SSC4D: variants seen among roughly 807,000 people sequenced by gnomAD.
The protein encoded by SSC4D is scavenger receptor cysteine-rich domain-containing group B protein.
A neutral mutation model predicts 63.4 loss-of-function variants in SSC4D; 57 were observed. The observed-to-expected ratio is 0.90, with a 90% CI of 0.73 to 1.12. The LOEUF is 1.12. Ranked by LOEUF, SSC4D falls within the 50% of genes most tolerant of loss-of-function variation. The probability of loss-of-function intolerance (pLI) is 0.00; values close to 1 mark genes in which losing one functional copy is unlikely to be tolerated. For synonymous variants in SSC4D, 352 were observed against 345.4 expected, an observed-to-expected ratio of 1.02 and a Z score of -0.21; for missense variants, 791 against 806.4, an observed-to-expected ratio of 0.98 and a Z score of 0.23.
At position 76,397,618 on chromosome 7, in the gene SSC4D, C is replaced by T. The variant is rs1300341965; in HGVS notation, c.768G>A (p.Val256=). Residue 256 remains valine, a synonymous_variant, in exon 6 of 11, where the codon GTG becomes GTA. Coordinates refer to ENST00000275560, the MANE Select transcript of SSC4D (RefSeq NM_080744.2). ...GGCGGGGCTCGCCGCCTTCGCAGTGCACGTTGTCCAGCAGGATGTGTCCGG... is the reference window on the plus strand; with the variant it reads ...GGCGGGGCTCGCCGCCTTCGCAGTGTACGTTGTCCAGCAGGATGTGTCCGG... ...YGTGHILLDN[V]HCEGGEPRLA... 11 of 1,612,848 alleles carry T rather than the reference C, an allele frequency of 6.8e-6. No individual in the cohort carries two copies. The highest frequency in any genetic ancestry group is 5.0e-5 in the Admixed American group (3 of 59,856).
At chr7:76,408,425 G>T (rs76141960) in intron 1 of SSC4D, among the ~76,000 whole-genome samples, 12 of 151,926 alleles carry the variant, frequency 7.9e-5, no homozygotes, top group Admixed American at 1.3e-4. Flanking sequence ...TGCTTGTTGT[G>T]GGGGGGCACA....
chr7:76,404,454 G>T lies in SSC4D; in HGVS notation c.-15C>A. 14 of 1,613,974 alleles carry T rather than the reference G, an allele frequency of 8.7e-6. No individual in the cohort carries two copies. The highest frequency in any genetic ancestry group is 1.1e-5 in the Non-Finnish European group (13 of 1,179,998). ...TCCTTGTGCATCTAGATGGTGAAGG[G>T]TGTTTCAGATGCTCCCATCAAGGCG... On this transcript the variant is annotated 5_prime_UTR_variant, in exon 2 of 11. Coordinates refer to ENST00000275560, the MANE Select transcript of SSC4D (RefSeq NM_080744.2).
At chr7:76,395,159 G>T in intron 7 of SSC4D, 94 bp downstream of exon 7, 1 of 1,460,016 alleles carries the variant, frequency 6.8e-7, no homozygotes, top group Non-Finnish European at 9.5e-7. Context: ...CTGTTAGCCA[G>T]GGCCCCCGCC....
intron 6 of SSC4D, 137 bp downstream of exon 6, chr7:76,397,381 C>G: frequency 4.5e-6 from 5 of 1,111,490 alleles, no homozygotes; most frequent in Non-Finnish European, 6.2e-6. Context: ...TGGATGCTGC[C>G]TGGAGAGCTC....
chr7:76,390,067 G>C lies in SSC4D; in HGVS notation c.1720C>G (p.Pro574Ala), dbSNP rs1804459946. The C allele has an allele frequency of 1.9e-6, 3 of 1,614,114 alleles. No individual in the cohort carries two copies. In the African/African-American group the frequency reaches 4.0e-5, roughly 22 times the overall value. The change falls in exon 11 of 11, where the codon CCT (proline) becomes GCT (alanine). Residue 574 changes from proline (P) to alanine (A), a missense_variant. By Grantham distance (27) the Pro-to-Ala change is conservative (BLOSUM62 -1). Transcript: ENST00000275560. The stretch of plus-strand genomic sequence containing the variant: ...CTGCAGAGCGGGCTGGGTCATGAAG[G>C]CTGGCACAGGACACTGGCATCCTCG... ...HSEDASVLCQ[P>A]S
chr7:76,394,813 G>GTTTATAATATATA (rs1563680989), intron 7 of SSC4D, among the ~76,000 whole-genome samples: 1 of 93,436 alleles, frequency 1.1e-5, no homozygotes, highest in Non-Finnish European at 2.5e-5. Flanking sequence ...TATAAAATAT[G>GTTTATAATATATA]TGTATAATAT....
chr7:76,393,415 C>G lies in SSC4D; in HGVS notation c.1323G>C (p.Ala441=). The change falls in exon 9 of 11, where the codon GCG becomes GCC. Residue 441 remains alanine, a synonymous_variant. Coordinates refer to ENST00000275560, the MANE Select transcript of SSC4D (RefSeq NM_080744.2). ...HNCGHHEDAG[A]LCAGPEELGL... ...CGCTGTCAGCCTCACCTGCGCAGAG[C>G]GCTCCCGCGTCCTCGTGGTGGCCGC... 3 of 1,478,246 alleles carry G rather than the reference C, an allele frequency of 2.0e-6. No homozygotes were observed. The highest frequency in any genetic ancestry group is 2.6e-5 in the South Asian group (2 of 75,674). 91.6% of individuals were successfully genotyped at this position (1,478,246 alleles called of 1,614,324 possible). A position where few individuals can be genotyped will look rare whatever the true frequency, so the allele number is the denominator to read the frequency against.
At chr7:76,396,452 C>G (rs1804642847) in intron 6 of SSC4D, among the ~76,000 whole-genome samples, 2 of 152,252 alleles carry the variant, frequency 1.3e-5, no homozygotes. Flanking sequence ...TGCCTCTCAG[C>G]TGCTACTCTG....
In SSC4D at chr7:76,393,393, T is replaced by G; in HGVS notation, c.1333+12A>C. ...GCCCCGCTGTCAGCCTCACCTTCGCTGTCAGCCTCACCTGCGCAGAGCGCT... is the reference window on the plus strand; with the variant it reads ...GCCCCGCTGTCAGCCTCACCTTCGCGGTCAGCCTCACCTGCGCAGAGCGCT... On this transcript the variant is annotated intron_variant, in intron 9 of 10. Coordinates refer to ENST00000275560, the MANE Select transcript of SSC4D (RefSeq NM_080744.2). 7.3e-7 allele frequency: 1 copy of G among 1,379,192 alleles called. No individual in the cohort carries two copies. The highest frequency in any genetic ancestry group is 9.4e-7 in the Non-Finnish European group (1 of 1,066,094). 85.4% of individuals were successfully genotyped at this position (1,379,192 alleles called of 1,614,324 possible). A position where few individuals can be genotyped will look rare whatever the true frequency, so the allele number is the denominator to read the frequency against.
At chr7:76,400,882 C>G (rs1804801896) in intron 3 of SSC4D, 126 bp downstream of exon 3, 4 of 1,324,610 alleles carry the variant, frequency 3.0e-6, no homozygotes, top group Admixed American at 2.0e-5. Context: ...GACTACAGCT[C>G]CCCTGAGATG....
Position 76,405,335 on chromosome 7 carries a change from C to CTTTCTTTT in SSC4D, c.-66-838_-66-831dup, listed in dbSNP as rs1804981032. 6.9e-5 allele frequency among the ~76,000 whole-genome samples: 2 copies of CTTTCTTTT among 29,160 alleles called. 1 individual carries two copies. The highest frequency in any genetic ancestry group is 1.2e-4 in the Non-Finnish European group (2 of 16,364). 19.1% of individuals were successfully genotyped at this position (29,160 alleles called of 152,430 possible). ...TATATATGTATTTTTTTCTTTCTTT[C>CTTTCTTTT]TTTCTTTTTTTTTTTTTTTTTTTTT... On this transcript the variant is annotated intron_variant, in intron 1 of 10. Transcript: ENST00000275560.
intron 7 of SSC4D, 39 bp downstream of exon 7, chr7:76,395,214 T>C: frequency 6.2e-7 from 1 of 1,609,378 alleles, no homozygotes; most frequent in Non-Finnish European, 8.5e-7. Context: ...GCACCCACCA[T>C]ACCCCTACCA....
Position 76,404,460 on chromosome 7 carries a change from C to T in SSC4D, c.-21G>A, listed in dbSNP as rs1196513527. ...TGCATCTAGATGGTGAAGGGTGTTT[C>T]AGATGCTCCCATCAAGGCGCCAGGG... On this transcript the variant is annotated 5_prime_UTR_variant, in exon 2 of 11. Coordinates refer to ENST00000275560, the MANE Select transcript of SSC4D (RefSeq NM_080744.2). 2 of 1,613,770 alleles carry T rather than the reference C, an allele frequency of 1.2e-6. No individual in the cohort carries two copies. Among genetic ancestry groups the T allele is most frequent in the Non-Finnish European group, 8.5e-7 (1 of 1,180,014 alleles).
In SSC4D at chr7:76,401,004, C is replaced by A; in HGVS notation, c.169+4G>T. 6.4e-7 allele frequency: 1 copy of A among 1,550,704 alleles called. No homozygotes were observed. The highest frequency in any genetic ancestry group is 2.4e-5 in the East Asian group (1 of 40,840). ...GGTGAGGAAGGGCGGGGTGGGGCAC[C>A]TACCTTGAAAGGGCAGTGGAGTGGG... On this transcript the variant is annotated splice_donor_region_variant and intron_variant, in intron 3 of 10. Coordinates refer to ENST00000275560, the MANE Select transcript of SSC4D (RefSeq NM_080744.2).
At position 76,393,536 on chromosome 7, in the gene SSC4D, T is replaced by C. The variant is rs1804551334; in HGVS notation, c.1202A>G (p.Tyr401Cys). ...GTCCAGCAGCACGGGGCCGCGGCCG[T>C]AGCCGAAGTGGCCCAGTCCCGTAGC... is the stretch of plus-strand genomic sequence containing the variant. ...LGATGLGHFG[Y>C]GRGPVLLDNV... The change falls in exon 9 of 11, where the codon TAC (tyrosine) becomes TGC (cysteine). Residue 401 changes from tyrosine to cysteine, a missense_variant. Coordinates refer to ENST00000275560, the MANE Select transcript of SSC4D (RefSeq NM_080744.2). The C allele has an allele frequency of 1.3e-6, 2 of 1,523,668 alleles. No individual in the cohort carries two copies. Among genetic ancestry groups the C allele is most frequent in the South Asian group, 2.4e-5 (2 of 82,168 alleles). 94.4% of individuals were successfully genotyped at this position (1,523,668 alleles called of 1,614,324 possible).
intron 1 of SSC4D, among the ~76,000 whole-genome samples, chr7:76,408,109 T>C (rs1012440782): frequency 2.0e-5 from 3 of 152,070 alleles, no homozygotes. Flanking sequence ...AGAGGATGGT[T>C]CTGTTTGGGC....
rs371791239 is a variant in SSC4D, at chr7:76,400,439, G to A, written c.322C>T (p.Pro108Ser). 1.4e-4 allele frequency: 228 copies of A among 1,607,102 alleles called. No homozygotes were observed. Among genetic ancestry groups the A allele is most frequent in the Non-Finnish European group, 1.9e-4 (222 of 1,176,034 alleles). Residue 108 changes from proline to serine, a missense_variant, in exon 4 of 11, where the codon CCA (proline) becomes TCA (serine). Pro to Ser is a moderately conservative substitution (Grantham distance 74). Transcript: ENST00000275560. Reference sequence around the variant, plus strand: ...CCTTGGCCAAAGGCAAGGGGCCGTGGCACGGGCAGTGCCAGGCCACAGCCC... The same window carrying A: ...CCTTGGCCAAAGGCAAGGGGCCGTGACACGGGCAGTGCCAGGCCACAGCCC... The part of the protein sequence containing the change: ...QLGCGLALPV[P>S]RPLAFGQGRG...
At chr7:76,397,883 C>G (rs760490622) in intron 5 of SSC4D, 51 bp from the exon 6 acceptor site, 27 of 1,456,852 alleles carry the variant, frequency 1.9e-5, no homozygotes, top group African/African-American at 2.8e-5. Flanking sequence ...CCTCTGCCCC[C>G]GTCCGCACCG....
intron 3 of SSC4D, 40 bp from the exon 4 acceptor site, chr7:76,400,631 T>A: frequency 7.0e-7 from 1 of 1,424,204 alleles, no homozygotes; most frequent in Non-Finnish European, 9.2e-7. Context: ...GGTCACTGAG[T>A]CCAACCTCCA....
Sources: allele counts gnomAD v4.1 joint callset (sites outside exome capture counted in the v4.1 genomes callset), GRCh38; gene constraint gnomAD v4.1.1; transcripts MANE v1.5; gene names NCBI Gene and HGNC (gene_info 2026-07-23, HGNC 2026-07-21).